PLD5: variants seen among roughly 807,000 people sequenced by gnomAD.
PLD5 encodes the protein phospholipase D family member 5, also known as inactive phospholipase D5.
PLD5 carries 36 observed loss-of-function variants against 61.1 expected under a neutral mutation model. That is an observed-to-expected ratio of 0.59 (90% CI 0.45 to 0.78). The LOEUF (loss-of-function observed/expected upper bound fraction) is 0.78. Among genes scored for constraint, PLD5 ranks in the 30% least tolerant of loss-of-function variants. The probability of loss-of-function intolerance (pLI) is 0.00; values close to 1 mark genes in which losing one functional copy is unlikely to be tolerated. For missense variants in PLD5, 515 were observed against 644.4 expected (o/e 0.80, Z 2.17); for synonymous variants, 243 against 242.8 (o/e 1.00, Z -0.01).
chr1:242,465,527 T>C (rs1202734417), intron 1 of PLD5, among the ~76,000 whole-genome samples: 1 of 152,198 alleles, frequency 6.6e-6, no homozygotes, highest in East Asian at 1.9e-4. Context: ...CATGATCTTG[T>C]TTCCTGGGCT....
At chr1:242,298,917 G>C (rs538081764) in intron 2 of PLD5, among the ~76,000 whole-genome samples, 42 of 152,078 alleles carry the variant, frequency 2.8e-4, no homozygotes, top group Non-Finnish European at 4.9e-4. Context: ...GCACCTACCT[G>C]TTGATATTTC....
intron 1 of PLD5, among the ~76,000 whole-genome samples, chr1:242,389,067 A>T (rs1027038239): frequency 5.1e-4 from 77 of 152,268 alleles, no homozygotes; most frequent in Non-Finnish European, 9.6e-4. Flanking sequence ...AAAAAAAAAA[A>T]AATCATTGAG....
chr1:242,271,097 G>T (rs1674036925), intron 3 of PLD5, among the ~76,000 whole-genome samples: 1 of 151,528 alleles, frequency 6.6e-6, no homozygotes, highest in South Asian at 2.1e-4. Context: ...AGTAATTAAA[G>T]AACCATATGG....
intron 1 of PLD5, among the ~76,000 whole-genome samples, chr1:242,402,113 A>G (rs998026604): frequency 1.3e-4 from 20 of 152,250 alleles, no homozygotes; most frequent in Admixed American, 1.1e-3. Flanking sequence ...AGAGATTTCA[A>G]GCCCATTCAT....
In PLD5 at chr1:242,219,916, G is replaced by A. The variant is rs1670455820; in HGVS notation, c.735+72C>T. ...GTAGGTTTTAGGATCCTTATCTGCA[G>A]TAGCGTGCTTTATGAAGGTGGTCGC... On this transcript the variant is annotated intron_variant, in intron 5 of 9. Transcript: ENST00000536534. The A allele has an allele frequency of 1.1e-5, 17 of 1,557,424 alleles. No individual in the cohort carries two copies. The Admixed American group carries it at 2.9e-4, about 26-fold the overall frequency.
chr1:242,158,354 G>T (rs1665557189), intron 5 of PLD5, among the ~76,000 whole-genome samples: 1 of 152,078 alleles, frequency 6.6e-6, no homozygotes, highest in African/African-American at 2.4e-5. Flanking sequence ...CACCACTGGG[G>T]TATAGAAAAA....
intron 1 of PLD5, among the ~76,000 whole-genome samples, chr1:242,438,417 C>A (rs1666108796): frequency 6.6e-6 from 1 of 150,498 alleles, no homozygotes; most frequent in Non-Finnish European, 1.5e-5. Context: ...GCCTGAGCTG[C>A]CATGCCTGGC....
chr1:242,374,101 T>A (rs1286461591), intron 1 of PLD5, among the ~76,000 whole-genome samples: 1 of 152,068 alleles, frequency 6.6e-6, no homozygotes, highest in Non-Finnish European at 1.5e-5. Context: ...GAAAGAAAGG[T>A]CTGTGGAGTT....
At chr1:242,202,819 G>A (rs2636251) in intron 5 of PLD5, among the ~76,000 whole-genome samples, 128,448 of 152,016 alleles carry the variant, frequency 0.84, 54,726 homozygotes, top group African/African-American at 0.95. Context: ...TAATTAACCC[G>A]CAGTCAGGTG....
At chr1:242,144,269 A>G (rs1441441319) in intron 5 of PLD5, among the ~76,000 whole-genome samples, 1 of 150,774 alleles carries the variant, frequency 6.6e-6, no homozygotes, top group Non-Finnish European at 1.5e-5. Flanking sequence ...TTTTTAAAAT[A>G]TTATTAAACA....
chr1:242,271,835 GT>G (rs1245206679), intron 3 of PLD5, among the ~76,000 whole-genome samples: 1 of 151,752 alleles, frequency 6.6e-6, no homozygotes, highest in East Asian at 1.9e-4. Context: ...CTCAATGTGG[GT>G]TTTTGAAATG....
chr1:242,365,005 A>G (rs12754788), intron 1 of PLD5, among the ~76,000 whole-genome samples: 120,929 of 151,252 alleles, frequency 0.8, 49,284 homozygotes, highest in Non-Finnish European at 0.88. Context: ...ACAAATTCCA[A>G]ATATCTCTAT....
chr1:242,177,885 C>T (rs1667268801), intron 5 of PLD5: 2 of 152,222 alleles, frequency 1.3e-5, no homozygotes. Context: ...ATCTGGGACA[C>T]ATGGCAGGGA....
At chr1:242,484,059 C>T (rs568729789) in intron 1 of PLD5, among the ~76,000 whole-genome samples, 5 of 152,190 alleles carry the variant, frequency 3.3e-5, no homozygotes, top group African/African-American at 1.2e-4. Context: ...CATTCAAAGC[C>T]ATGTGTAGAG....
chr1:242,426,330 A>T lies in PLD5; in HGVS notation c.190-78088T>A, dbSNP rs1665422898. ...CAGTTAAAAAAAAAAAAAAAAAAAA[A>T]AGTTAACAAACAGGAGTACACCCGA... On this transcript the variant is annotated intron_variant, in intron 1 of 9. Transcript: ENST00000536534. Among the ~76,000 whole-genome samples the T allele has an allele frequency of 2.1e-5, 3 of 145,946 alleles. No homozygotes were observed. The South Asian group carries it at 6.6e-4, about 32-fold the overall frequency.
At chr1:242,520,262 G>A (rs1473557850) in intron 1 of PLD5, among the ~76,000 whole-genome samples, 1 of 152,182 alleles carries the variant, frequency 6.6e-6, no homozygotes, top group Non-Finnish European at 1.5e-5. Flanking sequence ...ATTGGGCAAG[G>A]CAACCAAGAT....
At position 242,348,234 on chromosome 1, in the gene PLD5, C is replaced by T; in HGVS notation, c.198G>A (p.Gln66=). Residue 66 remains glutamine, a synonymous_variant, in exon 2 of 10, where the codon CAG becomes CAA. Coordinates refer to ENST00000536534, the MANE Select transcript of PLD5 (RefSeq NM_001372062.1). The part of the protein sequence containing the change: ...RRKDKLEHSQ[Q]KCIVIFALVC... The stretch of plus-strand genomic sequence containing the variant: ...CCAGGGCAAAGATCACGATGCACTT[C>T]TGCTGGGACTGAAAGAGGAAACAAA... 6.3e-7 allele frequency: 1 copy of T among 1,588,644 alleles called. No homozygotes were observed. The highest frequency in any genetic ancestry group is 8.5e-7 in the Non-Finnish European group (1 of 1,172,342).
At chr1:242,301,676 C>T (rs1676041752) in intron 2 of PLD5, among the ~76,000 whole-genome samples, 1 of 152,054 alleles carries the variant, frequency 6.6e-6, no homozygotes, top group Admixed American at 6.6e-5. Context: ...TAACGGATCA[C>T]ATATATGATG....
rs867342794 is a variant in PLD5, at chr1:242,219,864, A to G, written c.735+124T>C. On this transcript the variant is annotated intron_variant, in intron 5 of 9. Coordinates refer to ENST00000536534, the MANE Select transcript of PLD5 (RefSeq NM_001372062.1). Reference sequence around the variant, plus strand: ...ACATAAAAGGAAGATGAGCCTCTTAAAACTACAGTTAAGAATAATAAATGC... The same window carrying G: ...ACATAAAAGGAAGATGAGCCTCTTAGAACTACAGTTAAGAATAATAAATGC... The G allele has an allele frequency of 3.2e-5, 40 of 1,260,848 alleles. No homozygotes were observed. In the African/African-American group the frequency reaches 5.1e-4, roughly 16 times the overall value. 78.1% of individuals were successfully genotyped at this position (1,260,848 alleles called of 1,614,324 possible).
Sources: gnomAD v4.1 joint callset for allele counts (sites outside exome capture counted in the v4.1 genomes callset) on GRCh38, gnomAD v4.1.1 for gene constraint, MANE v1.5 for transcripts, NCBI Gene and HGNC (gene_info 2026-07-23, HGNC 2026-07-21) for gene names.